Variants in SLC71A2 observed in about 807,000 individuals in gnomAD.
SLC71A2 encodes the protein hippocampus abundant transcript-like 1.
chr9:94,458,412 T>A, the SLC71A2 span: 1 of 1,614,138 alleles, frequency 6.2e-7, no homozygotes, highest in East Asian at 2.2e-5. Context: ...ATGTTCCATG[T>A]GGAACTGACT....
At chr9:94,438,603 A>G in the SLC71A2 span, 1 of 1,576,278 alleles carries the variant, frequency 6.3e-7, no homozygotes. Flanking sequence ...TTTGCAGAGC[A>G]CTTCTTAACT....
chr9:94,382,759 C>G, the SLC71A2 span, among the ~76,000 whole-genome samples: 1 of 152,092 alleles, frequency 6.6e-6, no homozygotes, highest in Non-Finnish European at 1.5e-5. Flanking sequence ...TCACTGCAAT[C>G]TCTGCCTCCC....
At chr9:94,446,425 A>AAACGCTCTGTACTGAATATGGC in the SLC71A2 span, among the ~76,000 whole-genome samples, 1 of 152,208 alleles carries the variant, frequency 6.6e-6, no homozygotes, top group African/African-American at 2.4e-5. Flanking sequence ...ACCTATACGG[A>AAACGCTCTGTACTGAATATGGC]AACGCTCTGT....
chr9:94,379,662 A>G, the SLC71A2 span, among the ~76,000 whole-genome samples: 1 of 152,008 alleles, frequency 6.6e-6, no homozygotes, highest in Non-Finnish European at 1.5e-5. Flanking sequence ...GAGTGCTGGG[A>G]TTATAGGCAT....
the SLC71A2 span, among the ~76,000 whole-genome samples, chr9:94,400,513 A>G: frequency 2.0e-5 from 3 of 150,564 alleles, no homozygotes; most frequent in Non-Finnish European, 4.4e-5. Flanking sequence ...TTAAAGGAAA[A>G]AAAAAAAACA....
the SLC71A2 span, among the ~76,000 whole-genome samples, chr9:94,417,792 T>C: frequency 6.6e-6 from 1 of 151,636 alleles, no homozygotes; most frequent in Non-Finnish European, 1.5e-5. Context: ...GACCATTATT[T>C]CTTCAAATAT....
the SLC71A2 span, among the ~76,000 whole-genome samples, chr9:94,380,806 T>C: frequency 1.5e-5 from 1 of 66,374 alleles, no homozygotes; most frequent in African/African-American, 6.7e-5. Context: ...TTGTATTTGC[T>C]TGTCTTTTTT....
At chr9:94,459,180 C>T in the SLC71A2 span, 19 of 1,613,738 alleles carry the variant, frequency 1.2e-5, no homozygotes, top group East Asian at 8.9e-5. Context: ...ATCCCAGGCC[C>T]GCCGTTTTTA....
At chr9:94,379,089 C>CTTTTT in the SLC71A2 span, among the ~76,000 whole-genome samples, 12 of 84,112 alleles carry the variant, frequency 1.4e-4, no homozygotes, top group Admixed American at 6.6e-4. Context: ...TGTGCATTTC[C>CTTTTT]TTTTTTTTTT....
the SLC71A2 span, among the ~76,000 whole-genome samples, chr9:94,408,410 G>A: frequency 6.6e-6 from 1 of 152,186 alleles, no homozygotes; most frequent in African/African-American, 2.4e-5. Context: ...GGCAACTACT[G>A]TAATGCTGGC....
the SLC71A2 span, among the ~76,000 whole-genome samples, chr9:94,381,509 G>A: frequency 1.8e-3 from 274 of 152,268 alleles, no homozygotes; most frequent in African/African-American, 6.3e-3. Context: ...GATGAACCAC[G>A]ATTTGTACAT....
the SLC71A2 span, among the ~76,000 whole-genome samples, chr9:94,397,348 C>G: frequency 6.6e-6 from 1 of 152,140 alleles, no homozygotes; most frequent in Non-Finnish European, 1.5e-5. Context: ...GTGGCTCACA[C>G]TACTTTGGGA....
the SLC71A2 span, among the ~76,000 whole-genome samples, chr9:94,389,357 C>T: frequency 6.6e-6 from 1 of 151,736 alleles, no homozygotes; most frequent in Non-Finnish European, 1.5e-5. Flanking sequence ...CCTCCGCCTC[C>T]TGTGTTCAAG....
the SLC71A2 span, among the ~76,000 whole-genome samples, chr9:94,456,891 A>G: frequency 0.51 from 76,510 of 150,672 alleles, 19,666 homozygotes; most frequent in Admixed American, 0.6. Flanking sequence ...CATCCTTCCC[A>G]TGCCTCTGCT....
At chr9:94,385,362 A>G in the SLC71A2 span, among the ~76,000 whole-genome samples, 1 of 152,186 alleles carries the variant, frequency 6.6e-6, no homozygotes, top group Admixed American at 6.5e-5. Context: ...TTATAGTTTT[A>G]AGTCTAATGA....
the SLC71A2 span, among the ~76,000 whole-genome samples, chr9:94,443,598 T>G: frequency 6.6e-6 from 1 of 152,268 alleles, no homozygotes; most frequent in East Asian, 1.9e-4. Flanking sequence ...AGAGTTGTAT[T>G]GAATGTTAAG....
At chr9:94,405,299 C>T in the SLC71A2 span, among the ~76,000 whole-genome samples, 2 of 151,506 alleles carry the variant, frequency 1.3e-5, no homozygotes, top group African/African-American at 2.4e-5. Flanking sequence ...ATCGAGACTA[C>T]CCTGGCTAAC....
At chr9:94,414,354 G>A in the SLC71A2 span, among the ~76,000 whole-genome samples, 1 of 152,158 alleles carries the variant, frequency 6.6e-6, no homozygotes, top group Non-Finnish European at 1.5e-5. Flanking sequence ...AGGGTGCAAA[G>A]ACATTATTGC....
At chr9:94,433,073 C>G in the SLC71A2 span, 1 of 360,832 alleles carries the variant, frequency 2.8e-6, no homozygotes, top group Non-Finnish European at 5.4e-6. Flanking sequence ...GTGCTACTCT[C>G]ATACAGCCAG....
Sources: gnomAD v4.1 joint callset for allele counts (sites outside exome capture counted in the v4.1 genomes callset) on GRCh38, gnomAD v4.1.1 for gene constraint, MANE v1.5 for transcripts, NCBI Gene and HGNC (gene_info 2026-07-23, HGNC 2026-07-21) for gene names.